Variants in RAP1GDS1 observed in about 807,000 individuals in gnomAD.
RAP1GDS1 encodes RAP1, GTP-GDP dissociation stimulator 1.
RAP1GDS1 carries 35 observed loss-of-function variants against 71.1 expected under a neutral mutation model. The ratio of observed to expected loss-of-function variants is 0.49; its 90% CI spans 0.38 to 0.65. RAP1GDS1 has a LOEUF of 0.65. Ranked by LOEUF, RAP1GDS1 falls within the 30% of genes least tolerant of loss-of-function variation. The pLI is 0.00. For missense variants in RAP1GDS1, 663 were observed against 706.1 expected, an observed-to-expected ratio of 0.94 and a Z score of 0.69; for synonymous variants, 229 against 243.1, an observed-to-expected ratio of 0.94 and a Z score of 0.54.
intron 12 of RAP1GDS1, among the ~76,000 whole-genome samples, chr4:98,432,489 T>A (rs1366767742): frequency 6.6e-6 from 1 of 152,122 alleles, no homozygotes; most frequent in Non-Finnish European, 1.5e-5. Context: ...TAAAACAGAT[T>A]GATGGGGAAA....
intron 4 of RAP1GDS1, among the ~76,000 whole-genome samples, chr4:98,354,086 C>T (rs1208935515): frequency 3.4e-5 from 5 of 145,164 alleles, no homozygotes; most frequent in South Asian, 4.3e-4. Context: ...GACGGAGTCT[C>T]GCTCTGTCGC....
chr4:98,300,469 G>A (rs1419582314), intron 2 of RAP1GDS1, among the ~76,000 whole-genome samples: 1 of 150,732 alleles, frequency 6.6e-6, no homozygotes, highest in African/African-American at 2.4e-5. Context: ...GCACGATCTT[G>A]GCTCACTGCA....
chr4:98,305,205 G>T (rs1437005243), intron 2 of RAP1GDS1, among the ~76,000 whole-genome samples: 3 of 152,096 alleles, frequency 2.0e-5, no homozygotes, highest in Non-Finnish European at 2.9e-5. Flanking sequence ...ATTCTGTGAA[G>T]AATGTCAAAT....
chr4:98,306,423 C>T (rs1313682657), intron 2 of RAP1GDS1, among the ~76,000 whole-genome samples: 2 of 152,128 alleles, frequency 1.3e-5, no homozygotes, highest in African/African-American at 4.8e-5. Flanking sequence ...TCTCTGAAGC[C>T]TCTTTTATAA....
chr4:98,347,812 A>G (rs987646161), intron 3 of RAP1GDS1, among the ~76,000 whole-genome samples: 1 of 152,150 alleles, frequency 6.6e-6, no homozygotes, highest in African/African-American at 2.4e-5. Flanking sequence ...AAAGTAGACC[A>G]TCTTTTAGGC....
intron 4 of RAP1GDS1, among the ~76,000 whole-genome samples, chr4:98,368,888 T>G (rs1488349263): frequency 6.6e-6 from 1 of 152,178 alleles, no homozygotes; most frequent in Non-Finnish European, 1.5e-5. Context: ...ATTCATTCTT[T>G]TAAGAATTTT....
At chr4:98,286,886 TAA>T (rs778410316) in intron 1 of RAP1GDS1, among the ~76,000 whole-genome samples, 2,746 of 90,022 alleles carry the variant, frequency 0.031, 67 homozygotes, top group African/African-American at 0.099. Context: ...AACTCCGTCT[TAA>T]AAAAAAAAAA....
At chr4:98,428,122 A>G (rs1749875119) in intron 12 of RAP1GDS1, among the ~76,000 whole-genome samples, 1 of 152,206 alleles carries the variant, frequency 6.6e-6, no homozygotes, top group African/African-American at 2.4e-5. Context: ...ACCATATTCA[A>G]CAAATGGTGC....
At chr4:98,381,463 A>G (rs915576378) in intron 5 of RAP1GDS1, among the ~76,000 whole-genome samples, 4 of 151,394 alleles carry the variant, frequency 2.6e-5, no homozygotes, top group South Asian at 2.1e-4. Flanking sequence ...TTTGTCCATT[A>G]TTTGCTTTCT....
At chr4:98,360,043 G>A (rs1224396982) in intron 4 of RAP1GDS1, among the ~76,000 whole-genome samples, 2 of 151,928 alleles carry the variant, frequency 1.3e-5, no homozygotes, top group Non-Finnish European at 2.9e-5. Flanking sequence ...TTTTGTACTT[G>A]GTATTAAATT....
intron 4 of RAP1GDS1, among the ~76,000 whole-genome samples, chr4:98,365,405 A>G (rs1269444255): frequency 6.6e-6 from 1 of 152,096 alleles, no homozygotes; most frequent in East Asian, 1.9e-4. Flanking sequence ...CTTTGAGCTC[A>G]GGAGTTTGAA....
Position 98,379,007 on chromosome 4 carries a change from T to C in RAP1GDS1, c.362-10T>C, listed in dbSNP as rs1741586738. ...TTCTTTTATTTTTAATTTAACTCTT[T>C]GTTTTACAGATGAGGGCAGAAGTGC... is the stretch of plus-strand genomic sequence containing the variant. On this transcript the variant is annotated splice_polypyrimidine_tract_variant and intron_variant, in intron 4 of 14. Transcript: ENST00000408927. 1.3e-6 allele frequency: 2 copies of C among 1,567,820 alleles called. No homozygotes were observed. Among genetic ancestry groups the C allele is most frequent in the Non-Finnish European group, 1.7e-6 (2 of 1,158,946 alleles).
intron 4 of RAP1GDS1, among the ~76,000 whole-genome samples, chr4:98,370,716 G>A (rs994578922): frequency 9.9e-5 from 15 of 151,838 alleles, no homozygotes; most frequent in Non-Finnish European, 1.8e-4. Context: ...GACTACAGGC[G>A]CGTGCCAACA....
In RAP1GDS1 at chr4:98,379,073, T is replaced by G. The variant is rs1265906812; in HGVS notation, c.418T>G (p.Leu140Val). The change falls in exon 5 of 15, where the codon TTA becomes GTA. Residue 140 changes from leucine to valine, a missense_variant. Coordinates refer to ENST00000408927, the MANE Select transcript of RAP1GDS1 (RefSeq NM_001100427.2). Reference protein sequence around the residue: ...AGGAQIVIDHLRSLCSITDPA... With the variant: ...AGGAQIVIDHVRSLCSITDPA... Reference sequence around the variant, plus strand: ...TGGTGCACAGATTGTAATTGACCATTTAAGGTCACTGTGCAGTATAACAGA... The same window carrying G: ...TGGTGCACAGATTGTAATTGACCATGTAAGGTCACTGTGCAGTATAACAGA... 1 of 1,609,318 alleles carries G rather than the reference T, an allele frequency of 6.2e-7. No individual in the cohort carries two copies. Among genetic ancestry groups the G allele is most frequent in the Non-Finnish European group, 8.5e-7 (1 of 1,177,244 alleles).
chr4:98,417,461 T>C lies in RAP1GDS1; in HGVS notation c.1002T>C (p.Leu334=), dbSNP rs931404560. 1.2e-6 allele frequency: 2 copies of C among 1,613,908 alleles called. No homozygotes were observed. Among genetic ancestry groups the C allele is most frequent in the Non-Finnish European group, 1.7e-6 (2 of 1,179,820 alleles). ...CATCAAATAACCACCAGCTACAGCT[T>C]GCTGGAGCATTGGCAATTGCAAATT... ...WIPSNNHQLQ[L]AGALAIANFA... is the part of the protein sequence containing the mutation. The change falls in exon 9 of 15, where the codon CTT becomes CTC. Residue 334 remains leucine (L), a synonymous_variant. Transcript: ENST00000408927.
In RAP1GDS1 at chr4:98,419,234, T is replaced by G. The variant is rs1010913024; in HGVS notation, c.1174+443T>G. ...CCATGCCCAGCTGATTTTTTTTTTT[T>G]GTAGAAACAGGATCTCACTATGTTG... is the stretch of plus-strand genomic sequence containing the variant. On this transcript the variant is annotated intron_variant, in intron 10 of 14. Coordinates refer to ENST00000408927, the MANE Select transcript of RAP1GDS1 (RefSeq NM_001100427.2). 5.9e-5 allele frequency among the ~76,000 whole-genome samples: 9 copies of G among 152,014 alleles called. 1 individual carries two copies. The highest frequency in any genetic ancestry group is 5.2e-4 in the Admixed American group (8 of 15,260).
chr4:98,401,721 TC>T (rs1448045220), intron 6 of RAP1GDS1, among the ~76,000 whole-genome samples: 2 of 152,168 alleles, frequency 1.3e-5, no homozygotes, highest in Non-Finnish European at 2.9e-5. Context: ...CTTCATGCTG[TC>T]TTTTCACTCT....
At chr4:98,383,419 G>T (rs1322109827) in intron 5 of RAP1GDS1, among the ~76,000 whole-genome samples, 1 of 151,466 alleles carries the variant, frequency 6.6e-6, no homozygotes, top group Non-Finnish European at 1.5e-5. Flanking sequence ...TGTATGATAT[G>T]TGTATATATG....
intron 12 of RAP1GDS1, 29 bp from the exon 13 acceptor site, chr4:98,433,907 C>A: frequency 6.3e-7 from 1 of 1,577,436 alleles, no homozygotes; most frequent in South Asian, 1.1e-5. Context: ...AAATTAAAGT[C>A]TATAATTCTC....
Sources: gnomAD v4.1 joint callset for allele counts (sites outside exome capture counted in the v4.1 genomes callset) on GRCh38, gnomAD v4.1.1 for gene constraint, MANE v1.5 for transcripts, NCBI Gene and HGNC (gene_info 2026-07-23, HGNC 2026-07-21) for gene names.